Variants in PDGFD observed in about 807,000 individuals in gnomAD.
The protein encoded by PDGFD is platelet derived growth factor D.
PDGFD carries 30 observed loss-of-function variants against 44.7 expected under a neutral mutation model. That is an observed-to-expected ratio of 0.67 (90% CI 0.50 to 0.91). The LOEUF (loss-of-function observed/expected upper bound fraction) is 0.91, where lower values mean the gene tolerates loss of function less well. Among genes scored for constraint, PDGFD ranks in the 40% least tolerant of loss-of-function variants. PDGFD has a pLI of 0.00. For synonymous variants in PDGFD, 173 were observed against 168.4 expected, an observed-to-expected ratio of 1.03 and a Z score of -0.21; for missense variants, 445 against 457.8, an observed-to-expected ratio of 0.97 and a Z score of 0.25.
At chr11:104,106,272 A>C (rs1195906706) in intron 1 of PDGFD, among the ~76,000 whole-genome samples, 1 of 152,154 alleles carries the variant, frequency 6.6e-6, no homozygotes, top group Non-Finnish European at 1.5e-5. Context: ...ATTCCTCATG[A>C]ACCCACTAAT....
At chr11:104,073,566 T>A (rs1373387129) in intron 1 of PDGFD, among the ~76,000 whole-genome samples, 2 of 152,168 alleles carry the variant, frequency 1.3e-5, no homozygotes, top group Non-Finnish European at 2.9e-5. Flanking sequence ...GTAAATAAAG[T>A]TTGTCCTCAT....
chr11:103,996,220 T>G lies in PDGFD; in HGVS notation c.355A>C (p.Ile119Leu), dbSNP rs1275142720. The part of the protein sequence containing the change: ...CRYDFVEVED[I>L]SETSTIIRGR... ...CTAATAATGGTACTGGTTTCGGATATATCTTCAACTTCCACAAAATCATAC... is the reference window on the plus strand; with the variant it reads ...CTAATAATGGTACTGGTTTCGGATAGATCTTCAACTTCCACAAAATCATAC... The change falls in exon 3 of 7, where the codon ATA becomes CTA. Residue 119 changes from isoleucine to leucine, a missense_variant. Coordinates refer to ENST00000393158, the MANE Select transcript of PDGFD (RefSeq NM_025208.5). 3 of 1,611,524 alleles carry G rather than the reference T, an allele frequency of 1.9e-6. No individual in the cohort carries two copies. The highest frequency in any genetic ancestry group is 2.2e-5 in the East Asian group (1 of 44,732).
chr11:104,051,100 A>G (rs361313), intron 1 of PDGFD, among the ~76,000 whole-genome samples: 65,213 of 115,892 alleles, frequency 0.56, 14,844 homozygotes, highest in East Asian at 0.69. Flanking sequence ...GTGATACAGG[A>G]AAAAAAAATG....
intron 1 of PDGFD, among the ~76,000 whole-genome samples, chr11:104,059,320 T>A (rs960328484): frequency 2.6e-5 from 4 of 152,234 alleles, no homozygotes; most frequent in Admixed American, 2.0e-4. Flanking sequence ...AATCTTCATA[T>A]GTAACTTTTA....
chr11:104,036,910 T>G (rs1459048508), intron 1 of PDGFD: 3 of 1,614,122 alleles, frequency 1.9e-6, no homozygotes, highest in Admixed American at 1.7e-5. Context: ...GCTCCGAAAC[T>G]TCAAGGTCCT....
At position 104,119,470 on chromosome 11, in the gene PDGFD, GATATAATATATA is replaced by G. The variant is rs1861723064; in HGVS notation, c.124+44322_124+44333del. On this transcript the variant is annotated intron_variant, in intron 1 of 6. Coordinates refer to ENST00000393158, the MANE Select transcript of PDGFD (RefSeq NM_025208.5). Reference sequence around the variant, plus strand: ...ATATTGATATAATATATAATATATTGATATAATATATAATATAATATATTGATATAATATATA... The same window carrying G: ...ATATTGATATAATATATAATATATTGATATAATATATTGATATAATATATA... Among the ~76,000 whole-genome samples the G allele has an allele frequency of 9.8e-5, 5 of 50,928 alleles. 1 individual carries two copies. Among genetic ancestry groups the G allele is most frequent in the Non-Finnish European group, 1.3e-4 (4 of 30,594 alleles). 33.4% of individuals were successfully genotyped at this position (50,928 alleles called of 152,430 possible).
intron 1 of PDGFD, among the ~76,000 whole-genome samples, chr11:104,080,676 T>C (rs1028301166): frequency 2.0e-5 from 3 of 152,238 alleles, no homozygotes; most frequent in African/African-American, 7.2e-5. Flanking sequence ...AGCACCCTTA[T>C]GCTTTGGTAA....
chr11:103,973,232 G>A (rs1565299431), intron 3 of PDGFD, among the ~76,000 whole-genome samples: 3 of 149,678 alleles, frequency 2.0e-5, no homozygotes, highest in South Asian at 4.2e-4. Context: ...TCCACCTCCC[G>A]GGTTCACAAC....
chr11:104,127,899 A>G (rs141609612), intron 1 of PDGFD, among the ~76,000 whole-genome samples: 14 of 152,282 alleles, frequency 9.2e-5, no homozygotes, highest in African/African-American at 3.1e-4. Context: ...TAGCGTTAGT[A>G]TTGGTATTTA....
intron 3 of PDGFD, among the ~76,000 whole-genome samples, chr11:103,950,331 T>C (rs980608512): frequency 4.6e-5 from 7 of 150,678 alleles, no homozygotes; most frequent in African/African-American, 1.7e-4. Context: ...GGTGGATCAC[T>C]TGAGGTCAGG....
intron 3 of PDGFD, among the ~76,000 whole-genome samples, chr11:103,981,625 C>T (rs1859274672): frequency 6.6e-6 from 1 of 151,770 alleles, no homozygotes; most frequent in Non-Finnish European, 1.5e-5. Context: ...AGATAATACA[C>T]AGATTTGAAT....
At chr11:104,059,702 C>A (rs566315692) in intron 1 of PDGFD, among the ~76,000 whole-genome samples, 2 of 152,190 alleles carry the variant, frequency 1.3e-5, no homozygotes, top group Non-Finnish European at 2.9e-5. Context: ...CTTGAACAGC[C>A]TTCCTCCCTG....
At chr11:104,118,686 C>T (rs1239019774) in intron 1 of PDGFD, among the ~76,000 whole-genome samples, 1 of 136,982 alleles carries the variant, frequency 7.3e-6, no homozygotes, top group Non-Finnish European at 1.5e-5. Context: ...GCTATACTCA[C>T]CTCCTCACCA....
intron 1 of PDGFD, among the ~76,000 whole-genome samples, chr11:104,127,764 A>G (rs1351230496): frequency 6.6e-6 from 1 of 152,152 alleles, no homozygotes; most frequent in Non-Finnish European, 1.5e-5. Flanking sequence ...ATGAATAGGA[A>G]CAACCAACCA....
At chr11:104,129,100 AAT>A (rs1328146936) in intron 1 of PDGFD, among the ~76,000 whole-genome samples, 1 of 152,182 alleles carries the variant, frequency 6.6e-6, no homozygotes, top group African/African-American at 2.4e-5. Flanking sequence ...GAATTTTAAA[AAT>A]ATAAGAGACA....
intron 1 of PDGFD, among the ~76,000 whole-genome samples, chr11:104,012,279 A>G (rs1345879152): frequency 6.6e-6 from 1 of 152,170 alleles, no homozygotes; most frequent in African/African-American, 2.4e-5. Flanking sequence ...CTGGTTCTGA[A>G]AAAGGTCATG....
At chr11:103,985,621 TG>T (rs1475954369) in intron 3 of PDGFD, among the ~76,000 whole-genome samples, 1 of 151,696 alleles carries the variant, frequency 6.6e-6, no homozygotes, top group African/African-American at 2.4e-5. Flanking sequence ...AATCCTGAGG[TG>T]ACTAGGTTAT....
chr11:103,911,535 AAC>A (rs1858028717), intron 6 of PDGFD, among the ~76,000 whole-genome samples: 1 of 152,174 alleles, frequency 6.6e-6, no homozygotes, highest in South Asian at 2.1e-4. Flanking sequence ...CCAGTGCAGA[AAC>A]ACTGAAAATT....
At chr11:104,152,985 C>A (rs886193034) in intron 1 of PDGFD, among the ~76,000 whole-genome samples, 2 of 152,134 alleles carry the variant, frequency 1.3e-5, no homozygotes, top group Non-Finnish European at 2.9e-5. Flanking sequence ...ACTGTGCATG[C>A]ATTTCAGGCA....
Sources: gnomAD v4.1 joint callset for allele counts (sites outside exome capture counted in the v4.1 genomes callset) on GRCh38, gnomAD v4.1.1 for gene constraint, MANE v1.5 for transcripts, NCBI Gene and HGNC (gene_info 2026-07-23, HGNC 2026-07-21) for gene names.